Variants in CREB3L1 observed in about 807,000 individuals in gnomAD.
CREB3L1 encodes the protein cyclic AMP-responsive element-binding protein 3-like protein 1.
A neutral mutation model predicts 54.5 loss-of-function variants in CREB3L1; 33 were observed. The observed-to-expected ratio is 0.61, with a 90% CI of 0.46 to 0.81. The LOEUF (loss-of-function observed/expected upper bound fraction) is 0.81, where lower values mean the gene tolerates loss of function less well. Ranked by LOEUF, CREB3L1 falls within the 30% of genes least tolerant of loss-of-function variation. The pLI is 0.00. For synonymous variants in CREB3L1, 284 were observed against 286.4 expected (o/e 0.99, Z 0.08); for missense variants, 656 against 673.3 (o/e 0.97, Z 0.29).
intron 4 of CREB3L1, among the ~76,000 whole-genome samples, chr11:46,310,295 T>C (rs964635754): frequency 6.6e-6 from 1 of 151,668 alleles, no homozygotes; most frequent in East Asian, 1.9e-4. Flanking sequence ...TGAGATGGAG[T>C]CTCACTCTGT....
At chr11:46,280,354 AT>A (rs904702193) in intron 1 of CREB3L1, among the ~76,000 whole-genome samples, 7 of 150,264 alleles carry the variant, frequency 4.7e-5, no homozygotes, top group African/African-American at 9.8e-5. Flanking sequence ...CGCCCGGCTA[AT>A]TTTTTTTTAT....
intron 2 of CREB3L1, among the ~76,000 whole-genome samples, chr11:46,306,483 G>A (rs993271831): frequency 6.7e-6 from 1 of 150,348 alleles, no homozygotes; most frequent in African/African-American, 2.5e-5. Flanking sequence ...CAGCCTGGGC[G>A]AATGAGTGAG....
At chr11:46,283,206 T>C (rs1280456607) in intron 1 of CREB3L1, among the ~76,000 whole-genome samples, 1 of 151,778 alleles carries the variant, frequency 6.6e-6, no homozygotes, top group Non-Finnish European at 1.5e-5. Context: ...GTAATAATAA[T>C]AATACAAATT....
chr11:46,297,837 A>G (rs1021282815), intron 1 of CREB3L1, among the ~76,000 whole-genome samples: 1 of 152,180 alleles, frequency 6.6e-6, no homozygotes, highest in Admixed American at 6.5e-5. Context: ...GCTCGGGGAC[A>G]GAGTTTAGGG....
chr11:46,286,882 C>CA (rs1202042428), intron 1 of CREB3L1, among the ~76,000 whole-genome samples: 11 of 152,216 alleles, frequency 7.2e-5, no homozygotes, highest in Non-Finnish European at 1.6e-4. Flanking sequence ...CTTGGTCTCT[C>CA]AAAGCTGCAT....
chr11:46,318,072 C>G (rs769011599), intron 10 of CREB3L1, among the ~76,000 whole-genome samples: 6 of 152,168 alleles, frequency 3.9e-5, no homozygotes, highest in Non-Finnish European at 8.8e-5. Flanking sequence ...CAAAACTTAT[C>G]TGGGCATGGT....
At chr11:46,310,946 T>C in intron 4 of CREB3L1, 86 bp from the exon 5 acceptor site, 2 of 1,471,046 alleles carry the variant, frequency 1.4e-6, no homozygotes, top group Non-Finnish European at 1.8e-6. Flanking sequence ...TCAGGGCTGG[T>C]GCAAGCTCAT....
intron 2 of CREB3L1, among the ~76,000 whole-genome samples, chr11:46,304,882 G>A (rs1372527622): frequency 6.6e-6 from 1 of 152,184 alleles, no homozygotes; most frequent in South Asian, 2.1e-4. Flanking sequence ...AAAGCAATTT[G>A]TCTGTGGGCC....
intron 2 of CREB3L1, among the ~76,000 whole-genome samples, chr11:46,307,252 TTG>T (rs112018914): frequency 0.078 from 11,909 of 152,000 alleles, 494 homozygotes; most frequent in African/African-American, 0.11. Context: ...CTAGCTAATT[TTG>T]TGTGTGTGTA....
At position 46,278,002 on chromosome 11, in the gene CREB3L1, A is replaced by T; in HGVS notation, c.-110A>T. 3.4e-6 allele frequency: 1 copy of T among 292,320 alleles called. No homozygotes were observed. Among genetic ancestry groups the T allele is most frequent in the Non-Finnish European group, 6.1e-6 (1 of 164,746 alleles). The allele number at this position is 292,320 out of a possible 1,614,324, so 18.1% of individuals were successfully genotyped here. A position where few individuals can be genotyped will look rare whatever the true frequency, so the allele number is the denominator to read the frequency against. On this transcript the variant is annotated 5_prime_UTR_variant, in exon 1 of 12. Transcript: ENST00000621158. The surrounding 1 kb of genome is among the most constrained non-coding windows in gnomAD (Gnocchi z 4.2). ...CCCCTCCCCCGGGGCTTCGCCCCGG[A>T]CCTGCCCCCCGCCCGTTTGCCAGCG... is the stretch of plus-strand genomic sequence containing the variant.
At chr11:46,292,791 A>ATT (rs142793627) in intron 1 of CREB3L1, among the ~76,000 whole-genome samples, 3 of 146,432 alleles carry the variant, frequency 2.0e-5, no homozygotes, top group Non-Finnish European at 4.5e-5. Flanking sequence ...ATATTTTTAA[A>ATT]TTTTTTTTTT....
chr11:46,310,147 C>T (rs1939461892), intron 4 of CREB3L1, 80 bp downstream of exon 4: 1 of 1,084,448 alleles, frequency 9.2e-7, no homozygotes, highest in Non-Finnish European at 1.4e-6. Context: ...TTCAGCCCAT[C>T]CCTATCTCTT....
chr11:46,294,436 C>T (rs1939173363), intron 1 of CREB3L1, among the ~76,000 whole-genome samples: 1 of 152,130 alleles, frequency 6.6e-6, no homozygotes, highest in African/African-American at 2.4e-5. Context: ...TTTCTAGGCC[C>T]CTGTCAACCG....
chr11:46,312,754 C>T (rs2136355557), intron 7 of CREB3L1, 84 bp downstream of exon 7: 7 of 1,546,078 alleles, frequency 4.5e-6, no homozygotes, highest in Non-Finnish European at 6.1e-6. Flanking sequence ...GCAGCAGAGG[C>T]AGGGGGCACA....
At chr11:46,306,039 A>AT (rs1460318550) in intron 2 of CREB3L1, among the ~76,000 whole-genome samples, 2 of 150,484 alleles carry the variant, frequency 1.3e-5, no homozygotes, top group South Asian at 4.2e-4. Flanking sequence ...GCCAGGCCAT[A>AT]TTTTTTTAAT....
At position 46,320,833 on chromosome 11, in the gene CREB3L1, C is replaced by T. The variant is rs1939640713; in HGVS notation, c.*87C>T. ...ACTAACCCGGATCCGCCTCGTGCCC[C>T]TGCCTCCTGGAGCTTCCCATTCCAG... On this transcript the variant is annotated 3_prime_UTR_variant, in exon 12 of 12. Coordinates refer to ENST00000621158, the MANE Select transcript of CREB3L1 (RefSeq NM_052854.4). 3 of 1,409,516 alleles carry T rather than the reference C, an allele frequency of 2.1e-6. No individual in the cohort carries two copies. Among genetic ancestry groups the T allele is most frequent in the Non-Finnish European group, 3.0e-6 (3 of 1,014,244 alleles). The allele number at this position is 1,409,516 out of a possible 1,614,324, so 87.3% of individuals were successfully genotyped here.
chr11:46,299,725 G>A lies in CREB3L1; in HGVS notation c.103-210G>A, dbSNP rs142469261. Reference sequence around the variant, plus strand: ...GAGAGAATGGGATGACAGTGGTAACGGTCATGATGGAAATGATGAGAGTTG... The same window carrying A: ...GAGAGAATGGGATGACAGTGGTAACAGTCATGATGGAAATGATGAGAGTTG... On this transcript the variant is annotated intron_variant, in intron 1 of 11. Coordinates refer to ENST00000621158, the MANE Select transcript of CREB3L1 (RefSeq NM_052854.4). 2.5e-3 allele frequency among the ~76,000 whole-genome samples: 388 copies of A among 152,236 alleles called. 2 individuals carry two copies. Among genetic ancestry groups the A allele is most frequent in the African/African-American group, 8.8e-3 (366 of 41,536 alleles).
chr11:46,313,291 G>A (rs554397322), intron 8 of CREB3L1, among the ~76,000 whole-genome samples: 8 of 152,282 alleles, frequency 5.3e-5, no homozygotes, highest in Admixed American at 4.6e-4. Flanking sequence ...AGCCCTCCAC[G>A]TAATTAGGTT....
chr11:46,320,507 C>G lies in CREB3L1; in HGVS notation c.1502C>G (p.Ser501Cys). 1 of 1,557,790 alleles carries G rather than the reference C, an allele frequency of 6.4e-7. No homozygotes were observed. The highest frequency in any genetic ancestry group is 2.4e-5 in the East Asian group (1 of 42,194). The change falls in exon 11 of 12, where the codon TCC (serine) becomes TGC (cysteine). Residue 501 changes from serine (S) to cysteine (C), a missense_variant. Around this residue, in one of 3 missense-constraint regions of CREB3L1, gnomAD observed 240 missense variants for 219.8 expected, o/e 1.09. Coordinates refer to ENST00000621158, the MANE Select transcript of CREB3L1 (RefSeq NM_052854.4). ...GGCACCAGCCCCGACTTCTCCCACT[C>G]CAAGGAGTGGTTCCACGACAGGTGG... ...GNGTSPDFSH[S>C]KEWFHDRDLG...
Sources: gnomAD v4.1 joint callset for allele counts (sites outside exome capture counted in the v4.1 genomes callset) on GRCh38, gnomAD v4.1.1 for gene constraint, gnomAD v4.1.1 regional missense constraint, Gnocchi (gnomAD v3.1) non-coding constraint, MANE v1.5 for transcripts, NCBI Gene and HGNC (gene_info 2026-07-23, HGNC 2026-07-21) for gene names.